TENM3: variants seen among roughly 807,000 people sequenced by gnomAD.
TENM3 encodes teneurin-3.
In TENM3, 63 loss-of-function variants were observed where a neutral mutation model predicts 255.1. The ratio of observed to expected loss-of-function variants is 0.25; its 90% CI spans 0.20 to 0.30. The LOEUF (loss-of-function observed/expected upper bound fraction) is 0.30, where lower values mean the gene tolerates loss of function less well. TENM3 is among the 10% of genes least tolerant of loss of function. The pLI, the probability that TENM3 is intolerant of heterozygous loss-of-function variation, is 1.00. For missense variants in TENM3, 2,929 were observed against 3,461.1 expected (o/e 0.85, Z 3.86); for synonymous variants, 1,306 against 1,322.3 (o/e 0.99, Z 0.27).
At chr4:181,452,566 A>C in the TENM3 span, among the ~76,000 whole-genome samples, 9 of 152,134 alleles carry the variant, frequency 5.9e-5, no homozygotes, top group Non-Finnish European at 1.3e-4. Flanking sequence ...TTCCCCTTCC[A>C]CCATGATTGT....
chr4:182,717,530 T>G (rs916357934), intron 13 of TENM3, among the ~76,000 whole-genome samples: 1 of 152,228 alleles, frequency 6.6e-6, no homozygotes, highest in African/African-American at 2.4e-5. Flanking sequence ...CCCCCTCATC[T>G]GCTTCTCAAA....
the TENM3 span, among the ~76,000 whole-genome samples, chr4:181,648,177 C>T: frequency 5.3e-5 from 8 of 152,092 alleles, no homozygotes; most frequent in Non-Finnish European, 1.0e-4. Context: ...TTGGTCTGTT[C>T]TGGTATGGTA....
At chr4:181,571,480 G>A in the TENM3 span, among the ~76,000 whole-genome samples, 1 of 152,052 alleles carries the variant, frequency 6.6e-6, no homozygotes, top group Non-Finnish European at 1.5e-5. Context: ...GGGACTACAG[G>A]TAGTTGCCAC....
intron 5 of TENM3, among the ~76,000 whole-genome samples, chr4:182,642,619 G>A (rs982132485): frequency 6.6e-6 from 1 of 152,156 alleles, no homozygotes; most frequent in Non-Finnish European, 1.5e-5. Context: ...AGAAAGGATG[G>A]AAAGGAAAAA....
chr4:182,473,737 G>C (rs562203736), intron 3 of TENM3, among the ~76,000 whole-genome samples: 1 of 152,004 alleles, frequency 6.6e-6, no homozygotes, highest in African/African-American at 2.4e-5. Flanking sequence ...TTTGGAGGCC[G>C]AGGTGGGAGG....
At chr4:182,629,537 C>A (rs188985249) in intron 5 of TENM3, among the ~76,000 whole-genome samples, 1 of 152,226 alleles carries the variant, frequency 6.6e-6, no homozygotes, top group Non-Finnish European at 1.5e-5. Flanking sequence ...CATAACATAT[C>A]TGAGCATTCA....
chr4:181,501,979 G>A, the TENM3 span, among the ~76,000 whole-genome samples: 14 of 152,240 alleles, frequency 9.2e-5, no homozygotes, highest in East Asian at 1.7e-3. Context: ...ACAAGCATTC[G>A]GATTAACAGT....
chr4:181,881,900 T>C, the TENM3 span, among the ~76,000 whole-genome samples: 126,264 of 152,130 alleles, frequency 0.83, 52,942 homozygotes, highest in Middle Eastern at 0.89. Flanking sequence ...TTTCAAACTT[T>C]TAATGACAGT....
chr4:182,755,394 C>A, intron 22 of TENM3, 135 bp downstream of exon 22: 1 of 855,214 alleles, frequency 1.2e-6, no homozygotes, highest in Non-Finnish European at 1.7e-6. Context: ...TTTTGGATCC[C>A]GGCTGGGCAC....
chr4:181,896,710 T>C, the TENM3 span, among the ~76,000 whole-genome samples: 1 of 152,206 alleles, frequency 6.6e-6, no homozygotes, highest in Non-Finnish European at 1.5e-5. Flanking sequence ...CTTCTCTTCG[T>C]TGCTACAGCA....
chr4:182,483,420 G>A (rs573100011), intron 3 of TENM3, among the ~76,000 whole-genome samples: 7 of 152,134 alleles, frequency 4.6e-5, no homozygotes, highest in Non-Finnish European at 1.0e-4. Context: ...CATAGTTAAT[G>A]TAAGAGCCTA....
intron 3 of TENM3, among the ~76,000 whole-genome samples, chr4:182,503,479 G>A (rs993310787): frequency 2.6e-5 from 4 of 152,140 alleles, no homozygotes; most frequent in Non-Finnish European, 4.4e-5. Context: ...TTCATGAAAT[G>A]CACTTACTAC....
Position 182,337,020 on chromosome 4 carries a change from A to G in TENM3, c.233-9631A>G, listed in dbSNP as rs568510909. Among the ~76,000 whole-genome samples, 6 of 152,292 alleles carry G rather than the reference A, an allele frequency of 3.9e-5. No homozygotes were observed. The South Asian group carries it at 1.2e-3, about 32-fold the overall frequency. Reference sequence around the variant, plus strand: ...AACAGCTGGTGAGTTCTAGGTCCAGAAGAAAACTACAATCAAATTTCAATC... The same window carrying G: ...AACAGCTGGTGAGTTCTAGGTCCAGGAGAAAACTACAATCAAATTTCAATC... On this transcript the variant is annotated intron_variant, in intron 2 of 27. Transcript: ENST00000511685.
chr4:181,931,861 A>C, the TENM3 span, among the ~76,000 whole-genome samples: 31 of 152,068 alleles, frequency 2.0e-4, no homozygotes, highest in Admixed American at 9.8e-4. Flanking sequence ...GAAATAACAC[A>C]ACACATCTAC....
chr4:182,768,101 T>G (rs1183749970), intron 22 of TENM3, among the ~76,000 whole-genome samples: 2 of 152,182 alleles, frequency 1.3e-5, no homozygotes, highest in South Asian at 4.1e-4. Context: ...ACAGAAGGGA[T>G]AAAGAGCACG....
the TENM3 span, among the ~76,000 whole-genome samples, chr4:181,949,557 C>A: frequency 2.6e-5 from 4 of 152,198 alleles, no homozygotes; most frequent in Admixed American, 2.0e-4. Flanking sequence ...CCTGGCCCAA[C>A]TCAACATGTG....
At chr4:182,090,195 G>A in the TENM3 span, among the ~76,000 whole-genome samples, 73 of 152,236 alleles carry the variant, frequency 4.8e-4, no homozygotes, top group Non-Finnish European at 9.4e-4. Context: ...TCAAGGTGAC[G>A]TTATTTTAAA....
the TENM3 span, among the ~76,000 whole-genome samples, chr4:181,817,792 A>G: frequency 6.6e-6 from 1 of 152,198 alleles, no homozygotes; most frequent in African/African-American, 2.4e-5. Context: ...ACCTGCTAGC[A>G]TCTTGGCCTT....
chr4:181,467,479 C>A, the TENM3 span, among the ~76,000 whole-genome samples: 2 of 151,842 alleles, frequency 1.3e-5, no homozygotes, highest in Admixed American at 6.6e-5. Context: ...GGGATTAGAT[C>A]ACAAGCATAT....
Sources: gnomAD v4.1 joint callset for allele counts (sites outside exome capture counted in the v4.1 genomes callset) on GRCh38, gnomAD v4.1.1 for gene constraint, MANE v1.5 for transcripts, NCBI Gene and HGNC (gene_info 2026-07-23, HGNC 2026-07-21) for gene names.